Variants in GLRA2 observed in about 807,000 individuals in gnomAD.
GLRA2 encodes the protein glycine receptor alpha 2.
A neutral mutation model predicts 31.6 loss-of-function variants in GLRA2; 11 were observed. The ratio of observed to expected loss-of-function variants is 0.35; its 90% CI spans 0.22 to 0.58. The LOEUF (loss-of-function observed/expected upper bound fraction) is 0.58, where lower values mean the gene tolerates loss of function less well. Among genes scored for constraint, GLRA2 ranks in the 20% least tolerant of loss-of-function variants. The pLI, the probability that GLRA2 is intolerant of heterozygous loss-of-function variation, is 0.84. For synonymous variants in GLRA2, 132 were observed against 134.0 expected, an observed-to-expected ratio of 0.99 and a Z score of 0.10; for missense variants, 212 against 351.8, an observed-to-expected ratio of 0.60 and a Z score of 3.18.
At chrX:14,521,320 G>T in the GLRA2 span, among the ~76,000 whole-genome samples, 1 of 111,697 alleles carries the variant, frequency 9.0e-6, no homozygotes, top group South Asian at 3.8e-4. Flanking sequence ...ATAGGCTGGG[G>T]TCCTGGATAG....
chrX:14,550,777 C>T (rs2147025691), intron 2 of GLRA2, among the ~76,000 whole-genome samples: 1 of 112,055 alleles, frequency 8.9e-6, no homozygotes, highest in East Asian at 2.8e-4. Flanking sequence ...TTATGTATTT[C>T]AAACATATGT....
At chrX:14,626,218 GA>G (rs2090587173) in intron 7 of GLRA2, among the ~76,000 whole-genome samples, 1 of 112,150 alleles carries the variant, frequency 8.9e-6, no homozygotes, top group South Asian at 3.7e-4. Context: ...AGCAAGTGAA[GA>G]ACCCAGATTT....
chrX:14,675,431 G>A (rs2091135567), intron 7 of GLRA2, among the ~76,000 whole-genome samples: 2 of 111,768 alleles, frequency 1.8e-5, no homozygotes, highest in African/African-American at 3.3e-5. Context: ...CCTGTGTACC[G>A]TCCAATGCCC....
At chrX:14,615,129 A>G (rs950749508) in intron 7 of GLRA2, among the ~76,000 whole-genome samples, 1 of 111,945 alleles carries the variant, frequency 8.9e-6, no homozygotes, top group African/African-American at 3.2e-5. Flanking sequence ...TCTTAATTTT[A>G]GACTTTTATC....
chrX:14,638,169 C>T (rs2090732525), intron 7 of GLRA2, among the ~76,000 whole-genome samples: 1 of 111,066 alleles, frequency 9.0e-6, no homozygotes, highest in South Asian at 3.8e-4. Flanking sequence ...TAATAGGTGG[C>T]TTCTTTGATA....
chrX:14,581,040 G>A, intron 3 of GLRA2, 143 bp from the exon 4 acceptor site: 1 of 445,329 alleles, frequency 2.2e-6, no homozygotes, highest in Non-Finnish European at 3.9e-6. Context: ...AGAACTAAAT[G>A]GTTTATTTTG....
At chrX:14,658,621 A>AT (rs1382318145) in intron 7 of GLRA2, among the ~76,000 whole-genome samples, 4 of 110,259 alleles carry the variant, frequency 3.6e-5, no homozygotes, top group Admixed American at 2.9e-4. Context: ...AATCTAGTTT[A>AT]TTTTTTCTCC....
chrX:14,473,297 G>C, the GLRA2 span, among the ~76,000 whole-genome samples: 1 of 111,662 alleles, frequency 9.0e-6, no homozygotes, highest in Non-Finnish European at 1.9e-5. Flanking sequence ...GGTTTAAAAA[G>C]AAAACCAAGT....
chrX:14,720,884 C>A (rs1463206861), intron 8 of GLRA2, among the ~76,000 whole-genome samples: 1 of 110,842 alleles, frequency 9.0e-6, no homozygotes, highest in Non-Finnish European at 1.9e-5. Context: ...GTCATTCCAG[C>A]ATTTTAGGAG....
intron 4 of GLRA2, among the ~76,000 whole-genome samples, chrX:14,598,541 C>G (rs1237189425): frequency 1.8e-5 from 2 of 112,423 alleles, no homozygotes; most frequent in African/African-American, 6.5e-5. Flanking sequence ...ACAAGTCAGC[C>G]AGGCTTCCTG....
chrX:14,591,465 C>T (rs986104082), intron 4 of GLRA2, among the ~76,000 whole-genome samples: 1 of 111,545 alleles, frequency 9.0e-6, no homozygotes, highest in Non-Finnish European at 1.9e-5. Flanking sequence ...GTCTGATGTT[C>T]GAAGGCAGGA....
At chrX:14,695,098 C>T (rs2091423668) in intron 8 of GLRA2, among the ~76,000 whole-genome samples, 3 of 110,560 alleles carry the variant, frequency 2.7e-5, no homozygotes, top group African/African-American at 9.9e-5. Context: ...CAGTGACCAG[C>T]AAACAGATAC....
the GLRA2 span, among the ~76,000 whole-genome samples, chrX:14,450,507 C>A: frequency 9.0e-6 from 1 of 111,558 alleles, no homozygotes; most frequent in African/African-American, 3.3e-5. Flanking sequence ...GATCACCATT[C>A]TATATGCACT....
At chrX:14,494,532 C>G in the GLRA2 span, among the ~76,000 whole-genome samples, 1 of 110,989 alleles carries the variant, frequency 9.0e-6, no homozygotes, top group Admixed American at 9.6e-5. Context: ...AGTCTAAGTC[C>G]TATCCTATTT....
chrX:14,608,975 C>A lies in GLRA2; in HGVS notation c.716-16C>A, dbSNP rs1228051612. ...AAATTCAGGCTGGACTTTAAATGAT[C>A]ATTTCCTCCTTCTAGGAAAGTTTAC... is the stretch of plus-strand genomic sequence containing the variant. On this transcript the variant is annotated splice_polypyrimidine_tract_variant and intron_variant, in intron 6 of 8. Coordinates refer to ENST00000218075, the MANE Select transcript of GLRA2 (RefSeq NM_002063.4). 1 of 772,208 alleles carries A rather than the reference C, an allele frequency of 1.3e-6. No homozygotes were observed. Among genetic ancestry groups the A allele is most frequent in the Non-Finnish European group, 2.0e-6 (1 of 510,328 alleles). The allele number at this position is 772,208 out of a possible 1,213,427, so 63.6% of individuals were successfully genotyped here.
At chrX:14,623,349 C>A (rs2090545670) in intron 7 of GLRA2, among the ~76,000 whole-genome samples, 1 of 111,278 alleles carries the variant, frequency 9.0e-6, no homozygotes, top group Admixed American at 9.6e-5. Context: ...ATTTCTTTCT[C>A]CTGCCTGATT....
At chrX:14,694,430 A>G (rs1160874937) in intron 8 of GLRA2, among the ~76,000 whole-genome samples, 2 of 112,262 alleles carry the variant, frequency 1.8e-5, no homozygotes, top group Non-Finnish European at 3.8e-5. Flanking sequence ...ATGAGGTTGA[A>G]AAATAGGTAA....
intron 7 of GLRA2, among the ~76,000 whole-genome samples, chrX:14,654,806 A>T (rs1244534908): frequency 8.9e-6 from 1 of 111,946 alleles, no homozygotes; most frequent in Non-Finnish European, 1.9e-5. Flanking sequence ...TAATGGACTC[A>T]CAGTTCCACA....
intron 7 of GLRA2, among the ~76,000 whole-genome samples, chrX:14,667,934 T>C (rs1271931256): frequency 8.9e-6 from 1 of 112,197 alleles, no homozygotes; most frequent in Admixed American, 9.5e-5. Context: ...ATTTTTATCT[T>C]GTAGTTTCTA....
Sources: gnomAD v4.1 joint callset for allele counts (sites outside exome capture counted in the v4.1 genomes callset) on GRCh38, gnomAD v4.1.1 for gene constraint, MANE v1.5 for transcripts, NCBI Gene and HGNC (gene_info 2026-07-23, HGNC 2026-07-21) for gene names.